Variants in CAPS2 observed in about 807,000 individuals in gnomAD.
CAPS2 encodes calcyphosine 2, also known as calcyphosin-2.
Under a neutral mutation model 86.5 loss-of-function variants are expected in CAPS2, and 98 were observed. The observed-to-expected ratio is 1.13, with a 90% CI of 0.96 to 1.34. CAPS2 has a LOEUF of 1.34. Ranked by LOEUF, CAPS2 falls within the 40% of genes most tolerant of loss-of-function variation. The probability of loss-of-function intolerance (pLI) is 0.00; values close to 1 mark genes in which losing one functional copy is unlikely to be tolerated. For synonymous variants in CAPS2, 210 were observed against 225.1 expected, an observed-to-expected ratio of 0.93 and a Z score of 0.60; for missense variants, 729 against 686.8, an observed-to-expected ratio of 1.06 and a Z score of -0.69.
intron 5 of CAPS2, among the ~76,000 whole-genome samples, chr12:75,319,476 A>T (rs1213933632): frequency 6.6e-6 from 1 of 152,084 alleles, no homozygotes; most frequent in Non-Finnish European, 1.5e-5. Context: ...CGTCATAAGT[A>T]AAAGCAACCT....
chr12:75,334,804 C>A, upstream of CAPS2: 1 of 1,614,048 alleles, frequency 6.2e-7, no homozygotes, highest in Non-Finnish European at 8.5e-7. Flanking sequence ...TTCCAAAATC[C>A]CATCCATCAC....
intron 7 of CAPS2, among the ~76,000 whole-genome samples, chr12:75,311,325 A>G (rs937771813): frequency 6.6e-6 from 1 of 152,150 alleles, no homozygotes; most frequent in African/African-American, 2.4e-5. Flanking sequence ...ATGTTTGTTG[A>G]CAAGCTGGAT....
chr12:75,282,325 T>C (rs768447568), exon 16 of CAPS2: 3 of 1,605,788 alleles, frequency 1.9e-6, no homozygotes, highest in Admixed American at 1.7e-5. Flanking sequence ...GCCACTTTTG[T>C]TGAAATCCAG....
At chr12:75,305,335 G>T in intron 7 of CAPS2, 1 of 310,118 alleles carries the variant, frequency 3.2e-6, no homozygotes, top group Non-Finnish European at 6.0e-6. Flanking sequence ...GGAGATATTT[G>T]CACTGATTCT....
intron 12 of CAPS2, 115 bp downstream of exon 12, chr12:75,293,134 C>T: frequency 1.5e-6 from 1 of 671,320 alleles, no homozygotes; most frequent in Non-Finnish European, 2.5e-6. Context: ...CTTGTTTTTT[C>T]AAAATATAAA....
intron 5 of CAPS2, among the ~76,000 whole-genome samples, chr12:75,319,742 T>C (rs1392412695): frequency 6.6e-6 from 1 of 152,150 alleles, no homozygotes; most frequent in Admixed American, 6.6e-5. Context: ...TATTTCTAAT[T>C]TTAGCTTTGC....
intron 14 of CAPS2, among the ~76,000 whole-genome samples, chr12:75,287,396 C>T (rs2035081522): frequency 6.6e-6 from 1 of 152,080 alleles, no homozygotes; most frequent in African/African-American, 2.4e-5. Context: ...CAGAAGGGGT[C>T]CTGCCCCCAC....
At chr12:75,293,290 G>T (rs774968146) in exon 12 of CAPS2, 2 of 1,611,988 alleles carry the variant, frequency 1.2e-6, no homozygotes, top group Non-Finnish European at 1.7e-6. Flanking sequence ...TTGTGATTCG[G>T]AGTTTAAGTA....
At chr12:75,337,493 G>A (rs1326025557) in intron 1 of CAPS2, among the ~76,000 whole-genome samples, 4 of 151,756 alleles carry the variant, frequency 2.6e-5, no homozygotes, top group Non-Finnish European at 5.9e-5. Flanking sequence ...ACAACATAAA[G>A]AAAATAAATG....
chr12:75,377,840 G>T (rs1254004240), intron 1 of CAPS2, among the ~76,000 whole-genome samples: 1 of 146,968 alleles, frequency 6.8e-6, no homozygotes, highest in African/African-American at 2.5e-5. Context: ...AACCATCACA[G>T]ATATATATAT....
upstream of CAPS2, among the ~76,000 whole-genome samples, chr12:75,328,527 C>A (rs75948869): frequency 4.9e-4 from 75 of 152,222 alleles, no homozygotes; most frequent in African/African-American, 1.8e-3. Flanking sequence ...AGAAGGTTGG[C>A]GTCTCCCACC....
At chr12:75,358,534 T>C (rs1356889780) in intron 1 of CAPS2, among the ~76,000 whole-genome samples, 1 of 150,652 alleles carries the variant, frequency 6.6e-6, no homozygotes, top group Non-Finnish European at 1.5e-5. Context: ...AAGCTAAAAA[T>C]AGAAGGGAAT....
At chr12:75,329,173 AG>A (rs1369405331), upstream of CAPS2, among the ~76,000 whole-genome samples, 1 of 152,216 alleles carries the variant, frequency 6.6e-6, no homozygotes, top group African/African-American at 2.4e-5. Flanking sequence ...GAAGAATTCG[AG>A]GGGAATGAGC....
chr12:75,369,005 AC>A (rs2044180064), intron 1 of CAPS2, among the ~76,000 whole-genome samples: 1 of 151,820 alleles, frequency 6.6e-6, no homozygotes. Context: ...TTTGACTTGT[AC>A]TTTTTCTCTT....
intron 1 of CAPS2, among the ~76,000 whole-genome samples, chr12:75,359,355 G>GTTTTTTT (rs1463566931): frequency 2.2e-5 from 1 of 46,432 alleles, no homozygotes; most frequent in Non-Finnish European, 4.2e-5. Context: ...CAGCATTGTT[G>GTTTTTTT]TCTTTTTTTT....
At chr12:75,348,514 T>C (rs2042598443) in intron 1 of CAPS2, among the ~76,000 whole-genome samples, 1 of 152,208 alleles carries the variant, frequency 6.6e-6, no homozygotes, top group Non-Finnish European at 1.5e-5. Flanking sequence ...AGAGAAATTA[T>C]AAAACTACTG....
chr12:75,390,016 A>G (rs1413573713), intron 1 of CAPS2, among the ~76,000 whole-genome samples: 1 of 152,184 alleles, frequency 6.6e-6, no homozygotes, highest in Non-Finnish European at 1.5e-5. Flanking sequence ...TTTTAAAAGC[A>G]CTTTTCTTTT....
chr12:75,311,710 AACAAAAAAAAAAAC>A (rs869302099), intron 7 of CAPS2, among the ~76,000 whole-genome samples: 16,776 of 40,708 alleles, frequency 0.41, 3,405 homozygotes, highest in Non-Finnish European at 0.46. Context: ...GAAAAAAAAA[AACAAAAAAAAAAAC>A]AAAAAAAAAA....
At chr12:75,387,632 A>C (rs1190792299) in intron 1 of CAPS2, among the ~76,000 whole-genome samples, 1 of 152,188 alleles carries the variant, frequency 6.6e-6, no homozygotes, top group East Asian at 1.9e-4. Context: ...GAGAATTTCA[A>C]AGTCAAGGGG....
Sources: gnomAD v4.1 joint callset for allele counts (sites outside exome capture counted in the v4.1 genomes callset) on GRCh38, gnomAD v4.1.1 for gene constraint, MANE v1.5 for transcripts, NCBI Gene and HGNC (gene_info 2026-07-23, HGNC 2026-07-21) for gene names.